The following RABGAP1L variants were observed in gnomAD, a reference collection of about 807,000 sequenced individuals.
RABGAP1L encodes rab GTPase-activating protein 1-like.
RABGAP1L carries 63 observed loss-of-function variants against 137.7 expected under a neutral mutation model. That is an observed-to-expected ratio of 0.46 (90% CI 0.37 to 0.56). The LOEUF is 0.56. Among genes scored for constraint, RABGAP1L ranks in the 20% least tolerant of loss-of-function variants. The pLI, the probability that RABGAP1L is intolerant of heterozygous loss-of-function variation, is 0.00. For synonymous variants in RABGAP1L, 431 were observed against 433.7 expected, an observed-to-expected ratio of 0.99 and a Z score of 0.08; for missense variants, 1,095 against 1,244.0, an observed-to-expected ratio of 0.88 and a Z score of 1.80.
intron 11 of RABGAP1L, among the ~76,000 whole-genome samples, chr1:174,328,903 A>G (rs183164630): frequency 1.3e-5 from 2 of 152,238 alleles, no homozygotes; most frequent in East Asian, 3.9e-4. Flanking sequence ...AAAGATCTCA[A>G]ATAAACAACC....
chr1:174,365,979 C>T (rs1684578802), intron 11 of RABGAP1L, among the ~76,000 whole-genome samples: 1 of 151,992 alleles, frequency 6.6e-6, no homozygotes, highest in Non-Finnish European at 1.5e-5. Flanking sequence ...TGAAGGTAAA[C>T]AACAAGGTTA....
At chr1:174,867,549 G>A (rs987713607) in intron 19 of RABGAP1L, among the ~76,000 whole-genome samples, 1 of 152,098 alleles carries the variant, frequency 6.6e-6, no homozygotes, top group Non-Finnish European at 1.5e-5. Context: ...CTTTTCTCTT[G>A]CTTTCATTTG....
intron 17 of RABGAP1L, among the ~76,000 whole-genome samples, chr1:174,738,474 G>T (rs1394576071): frequency 6.6e-6 from 1 of 152,110 alleles, no homozygotes; most frequent in Non-Finnish European, 1.5e-5. Flanking sequence ...GGTTTCTAGG[G>T]TCTGCAGAGT....
At chr1:174,502,642 A>ATATATGTACATATATATGTGTGTGTG (rs1661416695) in intron 13 of RABGAP1L, among the ~76,000 whole-genome samples, 1 of 148,472 alleles carries the variant, frequency 6.7e-6, no homozygotes, top group Non-Finnish European at 1.5e-5. Context: ...ATGTGTGTAT[A>ATATATGTACATATATATGTGTGTGTG]TATATGTACA....
chr1:174,630,357 T>C (rs1398518611), intron 13 of RABGAP1L, among the ~76,000 whole-genome samples: 7 of 74,294 alleles, frequency 9.4e-5, no homozygotes, highest in Non-Finnish European at 1.6e-4. Flanking sequence ...AATTCTCTTT[T>C]TTGGTTGTGT....
At chr1:174,165,265 C>T (rs1664808870) in intron 1 of RABGAP1L, among the ~76,000 whole-genome samples, 1 of 152,178 alleles carries the variant, frequency 6.6e-6, no homozygotes, top group African/African-American at 2.4e-5. Flanking sequence ...TCTCCTGCGT[C>T]AGCCTCCCTG....
intron 7 of RABGAP1L, among the ~76,000 whole-genome samples, chr1:174,263,897 G>T (rs1174123655): frequency 5.3e-5 from 8 of 150,324 alleles, no homozygotes; most frequent in African/African-American, 9.8e-5. Flanking sequence ...TGTTTACAGG[G>T]GTCAGTATTA....
intron 17 of RABGAP1L, among the ~76,000 whole-genome samples, chr1:174,727,594 GT>G (rs1487621597): frequency 2.6e-5 from 4 of 152,140 alleles, no homozygotes; most frequent in African/African-American, 4.8e-5. Context: ...GAAAGAACAA[GT>G]TCTGGTATTC....
At chr1:174,683,058 G>GT (rs35576869) in intron 14 of RABGAP1L, among the ~76,000 whole-genome samples, 13,319 of 111,532 alleles carry the variant, frequency 0.12, 622 homozygotes, top group African/African-American at 0.17. Context: ...TTCTAAAGGG[G>GT]TTTTTTTTTT....
Position 174,323,143 on chromosome 1 carries a change from GAAGA to G in RABGAP1L, c.1465+18021_1465+18024del, listed in dbSNP as rs568924528. On this transcript the variant is annotated intron_variant, in intron 11 of 25. Coordinates refer to ENST00000681986, the MANE Select transcript of RABGAP1L (RefSeq NM_001366446.1). ...TTTTCACGTCTGTCCTACTATGTTTGAAGAAAGATAACTGATTTGGTTTAAGAAT... is the reference window on the plus strand; with the variant it reads ...TTTTCACGTCTGTCCTACTATGTTTGAAGATAACTGATTTGGTTTAAGAAT... Among the ~76,000 whole-genome samples the G allele has an allele frequency of 1.1e-3, 174 of 152,206 alleles. No individual in the cohort carries two copies. In the Middle Eastern group the frequency reaches 0.021, roughly 18 times the overall value.
At chr1:174,223,770 C>A (rs1289782196) in intron 3 of RABGAP1L, among the ~76,000 whole-genome samples, 1 of 152,046 alleles carries the variant, frequency 6.6e-6, no homozygotes, top group East Asian at 1.9e-4. Context: ...TAGAGGTACA[C>A]AGGTAGCTAA....
At chr1:174,975,980 A>C in intron 21 of RABGAP1L, 98 bp from the exon 22 acceptor site, 1 of 1,103,140 alleles carries the variant, frequency 9.1e-7, no homozygotes, top group Non-Finnish European at 1.3e-6. Flanking sequence ...ATAATTTTGG[A>C]ACAGCAACTG....
intron 13 of RABGAP1L, among the ~76,000 whole-genome samples, chr1:174,630,968 CT>C (rs1157780615): frequency 8.2e-6 from 1 of 121,942 alleles, no homozygotes; most frequent in Non-Finnish European, 1.7e-5. Flanking sequence ...TTTTCTAGTT[CT>C]TTTAATTGTG....
intron 13 of RABGAP1L, among the ~76,000 whole-genome samples, chr1:174,628,303 G>T (rs184977918): frequency 3.2e-4 from 49 of 152,208 alleles, no homozygotes; most frequent in African/African-American, 1.1e-3. Context: ...AAAGGAATTG[G>T]TTTCATAATC....
intron 13 of RABGAP1L, among the ~76,000 whole-genome samples, chr1:174,612,402 A>G (rs1332175557): frequency 3.9e-5 from 6 of 152,216 alleles, no homozygotes; most frequent in Admixed American, 2.6e-4. Flanking sequence ...CCCAGGGATG[A>G]AGCCCACTTG....
At chr1:174,725,983 T>G (rs1441548968) in intron 17 of RABGAP1L, among the ~76,000 whole-genome samples, 2 of 151,878 alleles carry the variant, frequency 1.3e-5, no homozygotes, top group Non-Finnish European at 2.9e-5. Context: ...ATAATAATAA[T>G]AAAATTAAAA....
At chr1:174,168,486 C>A (rs1467433105) in intron 1 of RABGAP1L, among the ~76,000 whole-genome samples, 1 of 151,636 alleles carries the variant, frequency 6.6e-6, no homozygotes, top group Non-Finnish European at 1.5e-5. Context: ...ATCTCATGAA[C>A]TGTATTCTTT....
At chr1:174,434,102 T>TACACAC (rs1400358664) in intron 13 of RABGAP1L, among the ~76,000 whole-genome samples, 69 of 102,834 alleles carry the variant, frequency 6.7e-4, no homozygotes, top group Middle Eastern at 5.2e-3. Context: ...CGCATGCGTG[T>TACACAC]ACACATACAC....
intron 19 of RABGAP1L, among the ~76,000 whole-genome samples, chr1:174,824,556 G>T (rs16847505): frequency 6.6e-6 from 1 of 152,036 alleles, no homozygotes; most frequent in Non-Finnish European, 1.5e-5. Context: ...ACATTAGGAA[G>T]GTTGGGCCAT....
Sources: gnomAD v4.1 joint callset for allele counts (sites outside exome capture counted in the v4.1 genomes callset) on GRCh38, gnomAD v4.1.1 for gene constraint, MANE v1.5 for transcripts, NCBI Gene and HGNC (gene_info 2026-07-23, HGNC 2026-07-21) for gene names.